The following ERG28 variants were observed in gnomAD, a reference collection of about 807,000 sequenced individuals.
ERG28 encodes the protein ergosterol biosynthesis 28 homolog.
Under a neutral mutation model 15.7 loss-of-function variants are expected in ERG28, and 9 were observed. The ratio of observed to expected loss-of-function variants is 0.57; its 90% CI spans 0.35 to 1.00. The LOEUF (loss-of-function observed/expected upper bound fraction) is 1.00. ERG28 is among the 50% of genes least tolerant of loss of function. The pLI is 0.02. For missense variants in ERG28, 117 were observed against 173.3 expected, an observed-to-expected ratio of 0.68 and a Z score of 1.82; for synonymous variants, 61 against 68.4, an observed-to-expected ratio of 0.89 and a Z score of 0.53.
At chr14:75,655,092 T>C (rs767551614) in intron 2 of ERG28, 116 bp from the exon 3 acceptor site, 209 of 983,602 alleles carry the variant, frequency 2.1e-4, no homozygotes, top group Non-Finnish European at 3.2e-4. Context: ...GACCTCTCTG[T>C]GGCTGGGCAG....
chr14:75,657,627 G>T, intron 1 of ERG28, 94 bp from the exon 2 acceptor site: 1 of 1,154,640 alleles, frequency 8.7e-7, no homozygotes. Context: ...GCCAAAAAAA[G>T]AAATTCAGTC....
At position 75,657,488 on chromosome 14, in the gene ERG28, C is replaced by G; in HGVS notation, c.15G>C (p.Leu5=). 6.2e-7 allele frequency: 1 copy of G among 1,613,964 alleles called. No homozygotes were observed. Among genetic ancestry groups the G allele is most frequent in the Non-Finnish European group, 8.5e-7 (1 of 1,179,890 alleles). Reference sequence around the variant, plus strand: ...TAACCAGCCAACTTCTTAACACATTCAGGAAACGGCTCATGACTCCCCTCA... The same window carrying G: ...TAACCAGCCAACTTCTTAACACATTGAGGAAACGGCTCATGACTCCCCTCA... MSRF[L]NVLRSWLVMV... The change falls in exon 2 of 5, where the codon CTG becomes CTC. Residue 5 remains leucine, a synonymous_variant. Coordinates refer to ENST00000256319, the MANE Select transcript of ERG28 (RefSeq NM_007176.4).
chr14:75,657,596 AAGGG>A, intron 1 of ERG28, 63 bp from the exon 2 acceptor site: 1 of 1,482,486 alleles, frequency 6.7e-7, no homozygotes, highest in South Asian at 1.2e-5. Context: ...CATAAGCAGG[AAGGG>A]AGGAAGAATG....
chr14:75,654,050 T>C (rs1269789692), intron 3 of ERG28, among the ~76,000 whole-genome samples: 2 of 152,318 alleles, frequency 1.3e-5, no homozygotes, highest in East Asian at 3.9e-4. Context: ...CTCTAATATT[T>C]AGATGTGCAA....
Position 75,657,431 on chromosome 14 carries a change from C to T in ERG28, c.72G>A (p.Leu24=). 6.2e-7 allele frequency: 1 copy of T among 1,614,132 alleles called. No homozygotes were observed. Among genetic ancestry groups the T allele is most frequent in the Non-Finnish European group, 8.5e-7 (1 of 1,180,000 alleles). Residue 24 remains leucine, a synonymous_variant, in exon 2 of 5, where the codon CTG becomes CTA. Coordinates refer to ENST00000256319, the MANE Select transcript of ERG28 (RefSeq NM_007176.4). ...MVSIIAMGNT[L]QSFRDHTFLY... is the part of the protein sequence containing the mutation. ...GAAAAGTGTGGTCTCGGAAGCTCTG[C>T]AGCGTGTTCCCCATGGCTATGATGG...
intron 1 of ERG28, among the ~76,000 whole-genome samples, chr14:75,660,453 A>T (rs548436827): frequency 1.3e-5 from 2 of 152,160 alleles, no homozygotes; most frequent in Non-Finnish European, 2.9e-5. Context: ...CGGTTTCCTC[A>T]TCTGCAAAAT....
chr14:75,655,167 C>A (rs907032700), intron 2 of ERG28, among the ~76,000 whole-genome samples, 191 bp from the exon 3 acceptor site: 6 of 152,162 alleles, frequency 3.9e-5, no homozygotes, highest in African/African-American at 1.4e-4. Context: ...ATGAGAACTT[C>A]TCAGATTCTC....
chr14:75,654,302 G>C (rs1252757105), intron 3 of ERG28, among the ~76,000 whole-genome samples: 1 of 152,158 alleles, frequency 6.6e-6, no homozygotes, highest in East Asian at 1.9e-4. Context: ...ACTCCCGCTG[G>C]GAAGAAAGCT....
chr14:75,659,558 C>CCAGCCTTTTT (rs940263966), intron 1 of ERG28, among the ~76,000 whole-genome samples: 4 of 103,938 alleles, frequency 3.8e-5, no homozygotes, highest in African/African-American at 1.4e-4. Flanking sequence ...GCTACAGCAC[C>CCAGCCTTTTT]CAGCCTTTTT....
chr14:75,657,054 C>T (rs1890608693), intron 2 of ERG28, among the ~76,000 whole-genome samples: 1 of 149,394 alleles, frequency 6.7e-6, no homozygotes, highest in Non-Finnish European at 1.5e-5. Flanking sequence ...ATGAATTGCC[C>T]AGGGCAGTGT....
chr14:75,653,821 G>A (rs570895849), intron 3 of ERG28, among the ~76,000 whole-genome samples: 1 of 152,010 alleles, frequency 6.6e-6, no homozygotes, highest in East Asian at 1.9e-4. Context: ...GTGCAAGGAA[G>A]GTGAATAATG....
At chr14:75,658,519 T>G (rs1210984025) in intron 1 of ERG28, among the ~76,000 whole-genome samples, 2 of 152,298 alleles carry the variant, frequency 1.3e-5, no homozygotes, top group South Asian at 4.1e-4. Flanking sequence ...TTTCTCCAGA[T>G]AAGACCACCA....
intron 2 of ERG28, 136 bp from the exon 3 acceptor site, chr14:75,655,112 C>G (rs1216107678): frequency 2.7e-6 from 2 of 747,662 alleles, no homozygotes; most frequent in Non-Finnish European, 4.6e-6. Context: ...GGATGGAGGT[C>G]CTAGTGGCAA....
chr14:75,653,210 C>T (rs778246808), intron 3 of ERG28, among the ~76,000 whole-genome samples: 23 of 152,112 alleles, frequency 1.5e-4, no homozygotes, highest in Non-Finnish European at 1.5e-4. Flanking sequence ...AGAAGTGCAT[C>T]GATCAAAGTC....
chr14:75,656,403 A>G (rs1890599432), intron 2 of ERG28, among the ~76,000 whole-genome samples: 1 of 152,152 alleles, frequency 6.6e-6, no homozygotes, highest in Admixed American at 6.5e-5. Flanking sequence ...TCAAAGGGCT[A>G]GACCAGATGA....
rs182618031 is a variant in ERG28, at chr14:75,657,220, G to A, written c.133+150C>T. 1.9e-4 allele frequency: 176 copies of A among 946,088 alleles called. No homozygotes were observed. The African/African-American group carries it at 2.7e-3, about 14-fold the overall frequency. 58.6% of individuals were successfully genotyped at this position (946,088 alleles called of 1,614,324 possible). ...AACTGGATTCCTGAGCTCCACCCAG[G>A]TTCAATAAATAGGTTTGGTGAGGGA... On this transcript the variant is annotated intron_variant, in intron 2 of 4. Transcript: ENST00000256319.
rs919416185 is a variant in ERG28 at position 75,651,627 on chromosome 14, G to A, written c.351C>T (p.Ser117=). 2 of 1,613,460 alleles carry A rather than the reference G, an allele frequency of 1.2e-6. No homozygotes were observed. Among genetic ancestry groups the A allele is most frequent in the Non-Finnish European group, 1.7e-6 (2 of 1,179,420 alleles). Residue 117 remains serine, a synonymous_variant, in exon 5 of 5, where the codon TCC becomes TCT. Coordinates refer to ENST00000256319, the MANE Select transcript of ERG28 (RefSeq NM_007176.4). ...VLAPLMVASF[S]ILGMLVGLRY... ...GGAGCCCGACCAGCATACCCAGGAT[G>A]GAGAAACCTTAAATACAGAGGAAAG...
intron 3 of ERG28, among the ~76,000 whole-genome samples, chr14:75,654,308 A>C (rs1412334261): frequency 1.3e-5 from 2 of 152,196 alleles, no homozygotes; most frequent in Admixed American, 1.3e-4. Flanking sequence ...GCTGGGAAGA[A>C]AGCTCGAGCC....
At chr14:75,656,309 C>T (rs1012135942) in intron 2 of ERG28, among the ~76,000 whole-genome samples, 1 of 150,294 alleles carries the variant, frequency 6.7e-6, no homozygotes, top group African/African-American at 2.5e-5. Context: ...CACACACACA[C>T]ACACACACAC....
Sources: gnomAD v4.1 joint callset for allele counts (sites outside exome capture counted in the v4.1 genomes callset) on GRCh38, gnomAD v4.1.1 for gene constraint, MANE v1.5 for transcripts, NCBI Gene and HGNC (gene_info 2026-07-23, HGNC 2026-07-21) for gene names.